Variants in MYO16 observed in about 807,000 individuals in gnomAD.
MYO16 encodes unconventional myosin-XVI.
MYO16 carries 94 observed loss-of-function variants against 205.3 expected under a neutral mutation model. That is an observed-to-expected ratio of 0.46 (90% CI 0.39 to 0.54). The LOEUF (loss-of-function observed/expected upper bound fraction) is 0.54, where lower values mean the gene tolerates loss of function less well. Ranked by LOEUF, MYO16 falls within the 20% of genes least tolerant of loss-of-function variation. The probability of loss-of-function intolerance (pLI) is 0.00; values close to 1 mark genes in which losing one functional copy is unlikely to be tolerated. For synonymous variants in MYO16, 988 were observed against 954.0 expected (o/e 1.04, Z -0.66); for missense variants, 2,315 against 2,387.5 (o/e 0.97, Z 0.63).
chr13:108,828,573 C>A (rs1384760915), intron 9 of MYO16, among the ~76,000 whole-genome samples: 1 of 152,100 alleles, frequency 6.6e-6, no homozygotes, highest in Non-Finnish European at 1.5e-5. Flanking sequence ...ACTCATGAGC[C>A]CTTTGGATCG....
chr13:108,718,660 G>A (rs1425121357), intron 3 of MYO16, among the ~76,000 whole-genome samples: 1 of 152,018 alleles, frequency 6.6e-6, no homozygotes, highest in Non-Finnish European at 1.5e-5. Flanking sequence ...GCAATGGAGG[G>A]GCCACGGACT....
rs277805 is a variant in MYO16, at chr13:108,991,673, T to C, written c.2370-703T>C. Among the ~76,000 whole-genome samples the C allele has an allele frequency of 3.7e-3, 92 of 24,744 alleles. 9 individuals are homozygous for C. The highest frequency in any genetic ancestry group is 8.3e-3 in the African/African-American group (55 of 6,630). 16.2% of individuals were successfully genotyped at this position (24,744 alleles called of 152,430 possible). ...AGTGAGGACCACCTGACTCACTGCTTGCATAGCATGAGAAGACACAAGTAT... is the reference window on the plus strand; with the variant it reads ...AGTGAGGACCACCTGACTCACTGCTCGCATAGCATGAGAAGACACAAGTAT... On this transcript the variant is annotated intron_variant, in intron 20 of 34. Coordinates refer to ENST00000457511, the MANE Select transcript of MYO16 (RefSeq NM_001198950.3).
chr13:108,523,205 T>C, the MYO16 span, among the ~76,000 whole-genome samples: 3 of 151,924 alleles, frequency 2.0e-5, no homozygotes, highest in Admixed American at 6.6e-5. Context: ...ATCTTGAGAG[T>C]TGAAGAGCAT....
chr13:108,613,761 T>C (rs924285061), intron 1 of MYO16, among the ~76,000 whole-genome samples: 3 of 152,004 alleles, frequency 2.0e-5, no homozygotes, highest in Non-Finnish European at 4.4e-5. Context: ...AAAGACAAAT[T>C]AATAGGTAAA....
intron 34 of MYO16, among the ~76,000 whole-genome samples, chr13:109,192,376 C>CTT (rs1879959930): frequency 6.6e-6 from 1 of 152,274 alleles, no homozygotes; most frequent in South Asian, 2.1e-4. Context: ...GGTCTTGCCT[C>CTT]TTTTCCCTCC....
intron 22 of MYO16, among the ~76,000 whole-genome samples, chr13:109,009,324 A>C (rs1396586466): frequency 6.6e-6 from 1 of 152,164 alleles, no homozygotes; most frequent in Non-Finnish European, 1.5e-5. Context: ...CCTTTTGGCA[A>C]TTATAAGTGC....
At chr13:108,805,483 A>G (rs1223038944) in intron 6 of MYO16, among the ~76,000 whole-genome samples, 1 of 152,168 alleles carries the variant, frequency 6.6e-6, no homozygotes, top group African/African-American at 2.4e-5. Context: ...TAAAAACACA[A>G]TGGAACAGAG....
chr13:109,104,530 GGA>G lies in MYO16; in HGVS notation c.3438+3645_3438+3646del, dbSNP rs1479967985. Among the ~76,000 whole-genome samples, 6 of 152,254 alleles carry G rather than the reference GGA, an allele frequency of 3.9e-5. No individual in the cohort carries two copies. In the East Asian group the frequency reaches 1.2e-3, roughly 29 times the overall value. The stretch of plus-strand genomic sequence containing the variant: ...GGAAACAAGAGGAGAAGGAAAAGGA[GGA>G]GTAAGGAAAGGAGACGATAGAGAAG... On this transcript the variant is annotated intron_variant, in intron 28 of 34. Coordinates refer to ENST00000457511, the MANE Select transcript of MYO16 (RefSeq NM_001198950.3).
At chr13:108,879,137 C>G (rs892896695) in intron 12 of MYO16, among the ~76,000 whole-genome samples, 1 of 152,212 alleles carries the variant, frequency 6.6e-6, no homozygotes, top group Non-Finnish European at 1.5e-5. Context: ...TCCCCTGCTA[C>G]TGCCAATTTG....
intron 2 of MYO16, among the ~76,000 whole-genome samples, chr13:108,709,169 G>A (rs914868127): frequency 3.3e-5 from 5 of 152,102 alleles, no homozygotes; most frequent in East Asian, 1.9e-4. Flanking sequence ...TTTCCTTGCC[G>A]ATTTTGTCAT....
intron 23 of MYO16, among the ~76,000 whole-genome samples, chr13:109,024,206 C>T (rs1176890194): frequency 6.6e-6 from 1 of 151,274 alleles, no homozygotes; most frequent in Non-Finnish European, 1.5e-5. Flanking sequence ...ACTTGTATTT[C>T]AATTTTTCAG....
chr13:108,944,749 A>C (rs1373145428), intron 16 of MYO16, among the ~76,000 whole-genome samples: 3 of 152,188 alleles, frequency 2.0e-5, no homozygotes, highest in Non-Finnish European at 4.4e-5. Context: ...TTTAAAATTG[A>C]AGATATATTT....
chr13:108,819,952 C>T (rs1875873936), intron 7 of MYO16, among the ~76,000 whole-genome samples: 1 of 152,098 alleles, frequency 6.6e-6, no homozygotes, highest in Non-Finnish European at 1.5e-5. Flanking sequence ...TGTATTTTGC[C>T]TTTCACGTTT....
rs186280441 is a variant in MYO16 at position 108,781,508 on chromosome 13, C to T, written c.508-4127C>T. ...CAGCCAACTCCCATGCACAGCTGCA[C>T]GGCCGGTTCTCCATTGCCTTCGGGG... On this transcript the variant is annotated intron_variant, in intron 4 of 34. Transcript: ENST00000457511. 7.0e-4 allele frequency among the ~76,000 whole-genome samples: 107 copies of T among 152,312 alleles called. 2 individuals are homozygous for T. Among genetic ancestry groups the T allele is most frequent in the Admixed American group, 6.8e-3 (104 of 15,298 alleles).
At chr13:108,937,538 T>C (rs1430859176) in intron 16 of MYO16, among the ~76,000 whole-genome samples, 1 of 152,224 alleles carries the variant, frequency 6.6e-6, no homozygotes, top group Non-Finnish European at 1.5e-5. Context: ...CATAATCCCA[T>C]ATTTCTCAAA....
intron 32 of MYO16, among the ~76,000 whole-genome samples, chr13:109,150,736 C>T (rs1427802304): frequency 6.6e-6 from 1 of 152,204 alleles, no homozygotes; most frequent in Non-Finnish European, 1.5e-5. Flanking sequence ...AGTGGATTCT[C>T]TTTCATAACC....
chr13:108,694,752 T>C (rs1426453919), intron 2 of MYO16, among the ~76,000 whole-genome samples: 1 of 152,218 alleles, frequency 6.6e-6, no homozygotes, highest in Non-Finnish European at 1.5e-5. Flanking sequence ...TCTTTTGTGC[T>C]TGTGTTGTTG....
At chr13:108,576,308 G>C in the MYO16 span, among the ~76,000 whole-genome samples, 1 of 152,300 alleles carries the variant, frequency 6.6e-6, no homozygotes, top group South Asian at 2.1e-4. Flanking sequence ...CACAGGCTCT[G>C]TACATCCCTG....
intron 27 of MYO16, among the ~76,000 whole-genome samples, chr13:109,087,992 T>A (rs1286151356): frequency 6.6e-6 from 1 of 152,200 alleles, no homozygotes; most frequent in Non-Finnish European, 1.5e-5. Context: ...GCCAGTGAAT[T>A]ATAAAATGCA....
Sources: allele counts gnomAD v4.1 joint callset (sites outside exome capture counted in the v4.1 genomes callset), GRCh38; gene constraint gnomAD v4.1.1; transcripts MANE v1.5; gene names NCBI Gene and HGNC (gene_info 2026-07-23, HGNC 2026-07-21).